The following CPB1 variants were observed in gnomAD, a reference collection of about 807,000 sequenced individuals.
The protein encoded by CPB1 is carboxypeptidase B.
In CPB1, 53 loss-of-function variants were observed where a neutral mutation model predicts 51.4. The ratio of observed to expected loss-of-function variants is 1.03; its 90% CI spans 0.83 to 1.30. The LOEUF (loss-of-function observed/expected upper bound fraction) is 1.30, where lower values mean the gene tolerates loss of function less well. Ranked by LOEUF, CPB1 falls within the 50% of genes most tolerant of loss-of-function variation. The pLI is 0.00. For missense variants in CPB1, 494 were observed against 516.2 expected (o/e 0.96, Z 0.42); for synonymous variants, 189 against 186.9 (o/e 1.01, Z -0.09).
chr3:148,844,503 T>G lies in CPB1; in HGVS notation c.602T>G (p.Ile201Ser), dbSNP rs774243114. Residue 201 changes from isoleucine (I) to serine (S), a missense_variant, in exon 7 of 11, where the codon ATC becomes AGC. Coordinates refer to ENST00000282957, the MANE Select transcript of CPB1 (RefSeq NM_001871.3). ...REAVRTYGRE[I>S]QVTELLDKLD... is the part of the protein sequence containing the mutation. ...GCTGTTCGTACCTATGGACGTGAGA[T>G]CCAAGTGACAGAGCTTCTCGACAAG... The G allele has an allele frequency of 1.2e-6, 2 of 1,613,868 alleles. No homozygotes were observed. Among genetic ancestry groups the G allele is most frequent in the East Asian group, 4.5e-5 (2 of 44,882 alleles).
chr3:148,840,530 A>G (rs578252626), intron 3 of CPB1, among the ~76,000 whole-genome samples, 156 bp from the exon 4 acceptor site: 1 of 152,336 alleles, frequency 6.6e-6, no homozygotes, highest in East Asian at 1.9e-4. Flanking sequence ...TCTCTGGAGC[A>G]GCTGAAGGTC....
chr3:148,843,660 A>T (rs187770174), intron 6 of CPB1, among the ~76,000 whole-genome samples: 1 of 152,300 alleles, frequency 6.6e-6, no homozygotes, highest in Admixed American at 6.5e-5. Context: ...TACAAACAGT[A>T]TATAAAAACT....
At position 148,858,283 on chromosome 3, in the gene CPB1, G is replaced by A. The variant is rs150397519; in HGVS notation, c.1066+742G>A. On this transcript the variant is annotated intron_variant, in intron 10 of 10. Transcript: ENST00000282957. The stretch of plus-strand genomic sequence containing the variant: ...TTGCTGGAGGAAAATATAAGACAGA[G>A]TGTTTTCAGCCGGGTGCAGTGGCTC... Among the ~76,000 whole-genome samples the A allele has an allele frequency of 6.6e-5, 10 of 152,208 alleles. 1 individual carries two copies. The East Asian group carries it at 1.7e-3, about 27-fold the overall frequency.
chr3:148,844,693 A>C lies in CPB1; in HGVS notation c.704A>C (p.Lys235Thr), dbSNP rs1471235489. 1 of 1,613,828 alleles carries C rather than the reference A, an allele frequency of 6.2e-7. No individual in the cohort carries two copies. The highest frequency in any genetic ancestry group is 2.2e-5 in the East Asian group (1 of 44,882). The part of the protein sequence containing the change: ...YTWTKSRFWR[K>T]TRSTHTGSSC... The stretch of plus-strand genomic sequence containing the variant: ...CACTTTCAGAGCCGATTTTGGAGAA[A>C]GACTCGCTCCACCCATACTGGATCT... Residue 235 changes from lysine (K) to threonine (T), a missense_variant, in exon 8 of 11, where the codon AAG (lysine) becomes ACG (threonine). Coordinates refer to ENST00000282957, the MANE Select transcript of CPB1 (RefSeq NM_001871.3).
intron 2 of CPB1, among the ~76,000 whole-genome samples, chr3:148,833,281 A>G (rs1712793883): frequency 6.6e-6 from 1 of 152,086 alleles, no homozygotes. Flanking sequence ...CTGGAACACC[A>G]GTATCCCTGC....
In CPB1 at chr3:148,844,619, GA is replaced by G. The variant is rs771615902; in HGVS notation, c.687+34del. The G allele has an allele frequency of 7.4e-6, 12 of 1,612,216 alleles. No individual in the cohort carries two copies. In the South Asian group the frequency reaches 1.1e-4, roughly 15 times the overall value. The stretch of plus-strand genomic sequence containing the variant: ...TGCACCAATACTGAGAGAGGCTGAT[GA>G]AATTAAAACCAACGCCTCTCTATTA... On this transcript the variant is annotated intron_variant, in intron 7 of 10. Coordinates refer to ENST00000282957, the MANE Select transcript of CPB1 (RefSeq NM_001871.3).
At position 148,857,470 on chromosome 3, in the gene CPB1, A is replaced by G. The variant is rs755045955; in HGVS notation, c.995A>G (p.Lys332Arg). 26 of 1,613,808 alleles carry G rather than the reference A, an allele frequency of 1.6e-5. No individual in the cohort carries two copies. Among genetic ancestry groups the G allele is most frequent in the Non-Finnish European group, 2.1e-5 (25 of 1,179,876 alleles). Reference sequence around the variant, plus strand: ...TTTCTTTTGCAGAATGCCCTGGCTAAAGCTACTGTGAAAGAACTTGCCTCA... The same window carrying G: ...TTTCTTTTGCAGAATGCCCTGGCTAGAGCTACTGTGAAAGAACTTGCCTCA... ...ENNAELNALAKATVKELASLH... is the reference protein window; with the variant it reads ...ENNAELNALARATVKELASLH... The change falls in exon 10 of 11, where the codon AAA becomes AGA. Residue 332 changes from lysine (K) to arginine (R), a missense_variant. By Grantham distance (26) the Lys-to-Arg change is conservative. Transcript: ENST00000282957.
chr3:148,847,306 G>A (rs895996723), intron 9 of CPB1, among the ~76,000 whole-genome samples: 1 of 133,406 alleles, frequency 7.5e-6, no homozygotes, highest in Admixed American at 8.4e-5. Context: ...AGACAGCTTT[G>A]TTGCCACTAG....
At chr3:148,833,601 A>G (rs1239475565) in intron 2 of CPB1, among the ~76,000 whole-genome samples, 1 of 152,166 alleles carries the variant, frequency 6.6e-6, no homozygotes, top group Non-Finnish European at 1.5e-5. Flanking sequence ...GAAAGACCCA[A>G]TGTCAGGCTG....
chr3:148,835,030 T>G (rs977850567), intron 3 of CPB1, among the ~76,000 whole-genome samples: 2 of 152,154 alleles, frequency 1.3e-5, no homozygotes, highest in Non-Finnish European at 2.9e-5. Flanking sequence ...TGTGCTTTTT[T>G]TAGCAGAAGG....
At chr3:148,848,273 GA>G (rs1219800625) in intron 9 of CPB1, among the ~76,000 whole-genome samples, 1 of 152,000 alleles carries the variant, frequency 6.6e-6, no homozygotes, top group Middle Eastern at 3.4e-3. Flanking sequence ...ATTTCAAGGG[GA>G]AAAAAATGTC....
intron 6 of CPB1, among the ~76,000 whole-genome samples, chr3:148,844,199 T>C (rs139226767): frequency 3.3e-4 from 50 of 152,286 alleles, no homozygotes; most frequent in African/African-American, 1.2e-3. Context: ...TCTTTAGAAG[T>C]CTTTAATTAA....
At chr3:148,846,077 T>G (rs879942127) in intron 9 of CPB1, among the ~76,000 whole-genome samples, 11 of 152,302 alleles carry the variant, frequency 7.2e-5, no homozygotes, top group Middle Eastern at 3.4e-3. Context: ...TGATATCAAG[T>G]TTAGTCATTA....
chr3:148,844,634 G>A lies in CPB1; in HGVS notation c.688-43G>A, dbSNP rs375031841. 1.2e-4 allele frequency: 198 copies of A among 1,611,828 alleles called. No individual in the cohort carries two copies. In the Middle Eastern group the frequency reaches 1.5e-3, roughly 12 times the overall value. The stretch of plus-strand genomic sequence containing the variant: ...AGAGGCTGATGAAATTAAAACCAAC[G>A]CCTCTCTATTATATTTGTCCTAACT... On this transcript the variant is annotated intron_variant, in intron 7 of 10. Transcript: ENST00000282957.
At chr3:148,850,107 C>T (rs1456960628) in intron 9 of CPB1, among the ~76,000 whole-genome samples, 4 of 152,260 alleles carry the variant, frequency 2.6e-5, no homozygotes, top group African/African-American at 9.6e-5. Flanking sequence ...GATTCTGGCC[C>T]ATTCTTTTGA....
chr3:148,841,074 A>G (rs1332819779), intron 5 of CPB1, 99 bp downstream of exon 5: 3 of 973,160 alleles, frequency 3.1e-6, no homozygotes, highest in Non-Finnish European at 4.7e-6. Flanking sequence ...TATCCCAAAC[A>G]TTGTTATAAC....
intron 3 of CPB1, among the ~76,000 whole-genome samples, chr3:148,837,857 T>A (rs1043696764): frequency 6.6e-6 from 1 of 152,120 alleles, no homozygotes; most frequent in African/African-American, 2.4e-5. Flanking sequence ...TGGATATTGA[T>A]GAAAATGTTT....
intron 3 of CPB1, among the ~76,000 whole-genome samples, chr3:148,838,863 A>G (rs1712988047): frequency 6.6e-6 from 1 of 152,206 alleles, no homozygotes; most frequent in East Asian, 1.9e-4. Context: ...TTGATTCCTC[A>G]TTCATGATTC....
chr3:148,835,327 A>G (rs1191310808), intron 3 of CPB1, among the ~76,000 whole-genome samples: 1 of 152,220 alleles, frequency 6.6e-6, no homozygotes, highest in Non-Finnish European at 1.5e-5. Flanking sequence ...ATGACCTCAC[A>G]TCCTTTAGGG....
Sources: gnomAD v4.1 joint callset for allele counts (sites outside exome capture counted in the v4.1 genomes callset) on GRCh38, gnomAD v4.1.1 for gene constraint, MANE v1.5 for transcripts, NCBI Gene and HGNC (gene_info 2026-07-23, HGNC 2026-07-21) for gene names.